The following ARSB variants were observed in gnomAD, a reference collection of about 807,000 sequenced individuals.
ARSB encodes the protein arylsulfatase B.
In ARSB, 41 loss-of-function variants were observed where a neutral mutation model predicts 50.9. The observed-to-expected ratio is 0.81, with a 90% CI of 0.63 to 1.04. The LOEUF (loss-of-function observed/expected upper bound fraction) is 1.04, where lower values mean the gene tolerates loss of function less well. Ranked by LOEUF, ARSB falls within the 50% of genes least tolerant of loss-of-function variation. ARSB has a pLI of 0.00. For synonymous variants in ARSB, 269 were observed against 284.8 expected (o/e 0.94, Z 0.56); for missense variants, 672 against 693.3 (o/e 0.97, Z 0.35).
intron 5 of ARSB, among the ~76,000 whole-genome samples, chr5:78,874,435 T>C (rs868348731): frequency 6.6e-6 from 1 of 152,174 alleles, no homozygotes; most frequent in East Asian, 1.9e-4. Flanking sequence ...TCCTTATGGG[T>C]AATAAGTGGA....
chr5:78,833,807 C>T (rs1244584557), intron 6 of ARSB, among the ~76,000 whole-genome samples: 1 of 152,216 alleles, frequency 6.6e-6, no homozygotes, highest in Non-Finnish European at 1.5e-5. Flanking sequence ...GGAAATCCCA[C>T]ATCATCTTTT....
intron 4 of ARSB, among the ~76,000 whole-genome samples, chr5:78,926,641 C>G (rs1389950603): frequency 2.0e-5 from 3 of 152,174 alleles, no homozygotes; most frequent in African/African-American, 7.2e-5. Context: ...GTACATTAAA[C>G]AGACACAGCT....
intron 6 of ARSB, among the ~76,000 whole-genome samples, chr5:78,835,277 G>A (rs1461996849): frequency 6.6e-6 from 1 of 152,118 alleles, no homozygotes; most frequent in Non-Finnish European, 1.5e-5. Flanking sequence ...TGGGCCTCTG[G>A]GCACCCTATA....
chr5:78,966,391 A>C (rs1259236256), intron 2 of ARSB, among the ~76,000 whole-genome samples: 1 of 148,472 alleles, frequency 6.7e-6, no homozygotes, highest in Non-Finnish European at 1.5e-5. Context: ...TTGAACAACC[A>C]AATCTTCTCT....
chr5:78,893,559 T>C (rs1036900910), intron 4 of ARSB, among the ~76,000 whole-genome samples: 11 of 152,234 alleles, frequency 7.2e-5, no homozygotes, highest in African/African-American at 2.4e-4. Flanking sequence ...TGTTGAAAGA[T>C]TGAAAACGTT....
intron 5 of ARSB, among the ~76,000 whole-genome samples, chr5:78,853,250 C>G (rs1490465259): frequency 1.3e-5 from 2 of 152,146 alleles, no homozygotes; most frequent in Admixed American, 6.5e-5. Context: ...GATGTCCTTT[C>G]TGTTTGTTAG....
intron 1 of ARSB, among the ~76,000 whole-genome samples, chr5:78,982,682 G>C (rs117373479): frequency 2.0e-5 from 3 of 152,196 alleles, no homozygotes; most frequent in African/African-American, 7.2e-5. Context: ...GTTAACACTT[G>C]TAAGTGCTCA....
At chr5:78,793,330 G>A (rs1743049852) in intron 6 of ARSB, among the ~76,000 whole-genome samples, 1 of 152,170 alleles carries the variant, frequency 6.6e-6, no homozygotes, top group East Asian at 1.9e-4. Flanking sequence ...GCACCTAGGA[G>A]ACATTCAACT....
At chr5:78,868,712 C>T (rs1358161154) in intron 5 of ARSB, among the ~76,000 whole-genome samples, 4 of 143,994 alleles carry the variant, frequency 2.8e-5, no homozygotes, top group African/African-American at 1.0e-4. Context: ...AAAATCATGC[C>T]AAAATGTAAA....
intron 5 of ARSB, among the ~76,000 whole-genome samples, chr5:78,871,888 A>C (rs969602546): frequency 1.2e-4 from 18 of 145,410 alleles, no homozygotes; most frequent in African/African-American, 4.4e-4. Flanking sequence ...CAACCTACAA[A>C]ATGGGAGAAA....
intron 2 of ARSB, among the ~76,000 whole-genome samples, chr5:78,965,134 G>T (rs956977209): frequency 6.6e-6 from 1 of 152,042 alleles, no homozygotes; most frequent in Admixed American, 6.6e-5. Flanking sequence ...CCTAATAGAG[G>T]ATCTCTAGAC....
At chr5:78,851,652 T>C (rs903280075) in intron 5 of ARSB, among the ~76,000 whole-genome samples, 20 of 152,142 alleles carry the variant, frequency 1.3e-4, no homozygotes, top group African/African-American at 4.1e-4. Flanking sequence ...TTAATGTTGA[T>C]AGTGGGGTGT....
intron 7 of ARSB, among the ~76,000 whole-genome samples, chr5:78,781,168 G>A (rs1228193946): frequency 6.6e-6 from 1 of 152,146 alleles, no homozygotes; most frequent in African/African-American, 2.4e-5. Flanking sequence ...CACTGGTTGA[G>A]GGTGTAGCTC....
At chr5:78,926,583 G>A (rs1431099980) in intron 4 of ARSB, among the ~76,000 whole-genome samples, 5 of 152,172 alleles carry the variant, frequency 3.3e-5, no homozygotes, top group Non-Finnish European at 7.4e-5. Flanking sequence ...TTCGAAGCCA[G>A]TTTATGAGTT....
chr5:78,906,031 C>T (rs1291318370), intron 4 of ARSB, among the ~76,000 whole-genome samples: 1 of 151,422 alleles, frequency 6.6e-6, no homozygotes, highest in Non-Finnish European at 1.5e-5. Context: ...AACACCAATG[C>T]AGATCTTCAA....
chr5:78,852,876 T>A (rs1415422787), intron 5 of ARSB, among the ~76,000 whole-genome samples: 5 of 152,152 alleles, frequency 3.3e-5, no homozygotes, highest in Non-Finnish European at 7.4e-5. Flanking sequence ...GCATTCTTCA[T>A]GTAGTTCTCG....
chr5:78,861,543 C>T (rs948459797), intron 5 of ARSB, among the ~76,000 whole-genome samples: 1 of 152,120 alleles, frequency 6.6e-6, no homozygotes, highest in African/African-American at 2.4e-5. Flanking sequence ...GCACAAAAGG[C>T]CTTCGACAAA....
At chr5:78,915,876 C>T (rs546728525) in intron 4 of ARSB, among the ~76,000 whole-genome samples, 1 of 152,106 alleles carries the variant, frequency 6.6e-6, no homozygotes, top group African/African-American at 2.4e-5. Context: ...ACGTGTGGAA[C>T]CTTCCACTTG....
chr5:78,928,183 A>C (rs925814674), intron 4 of ARSB, among the ~76,000 whole-genome samples: 2 of 152,142 alleles, frequency 1.3e-5, no homozygotes, highest in African/African-American at 2.4e-5. Context: ...CAGCCAAGCA[A>C]ACCCCATGGC....
Sources: gnomAD v4.1 joint callset for allele counts (sites outside exome capture counted in the v4.1 genomes callset) on GRCh38, gnomAD v4.1.1 for gene constraint, MANE v1.5 for transcripts, NCBI Gene and HGNC (gene_info 2026-07-23, HGNC 2026-07-21) for gene names.